Variants in SSBP2 observed in about 807,000 individuals in gnomAD.
SSBP2 encodes the protein single stranded DNA binding protein 2.
Under a neutral mutation model 61.8 loss-of-function variants are expected in SSBP2, and 17 were observed. That is an observed-to-expected ratio of 0.28 (90% CI 0.19 to 0.41). The LOEUF (loss-of-function observed/expected upper bound fraction) is 0.41, where lower values mean the gene tolerates loss of function less well. SSBP2 is among the 10% of genes least tolerant of loss of function. The pLI, the probability that SSBP2 is intolerant of heterozygous loss-of-function variation, is 1.00. For missense variants in SSBP2, 310 were observed against 458.7 expected (o/e 0.68, Z 2.96); for synonymous variants, 139 against 141.3 (o/e 0.98, Z 0.12).
chr5:81,500,026 AAACTGGCC>A (rs1356025998), intron 5 of SSBP2, among the ~76,000 whole-genome samples: 1 of 152,236 alleles, frequency 6.6e-6, no homozygotes, highest in African/African-American at 2.4e-5. Context: ...TTTGTTAAAG[AAACTGGCC>A]TATGGGCTTG....
At chr5:81,660,996 G>A (rs570718658) in intron 1 of SSBP2, among the ~76,000 whole-genome samples, 18 of 151,838 alleles carry the variant, frequency 1.2e-4, no homozygotes, top group African/African-American at 4.4e-4. Flanking sequence ...AACATAAACC[G>A]GAGCCTGTTG....
Position 81,546,901 on chromosome 5 carries a change from T to C in SSBP2, c.283-33184A>G, listed in dbSNP as rs1487884093. Among the ~76,000 whole-genome samples the C allele has an allele frequency of 4.0e-5, 6 of 149,578 alleles. No individual in the cohort carries two copies. The East Asian group carries it at 9.7e-4, about 24-fold the overall frequency. On this transcript the variant is annotated intron_variant, in intron 4 of 16. Transcript: ENST00000320672. ...TGTTCCATAAAACCTTTATAGAACATATTGTAACATTTTTAAAAAATCAAT... is the reference window on the plus strand; with the variant it reads ...TGTTCCATAAAACCTTTATAGAACACATTGTAACATTTTTAAAAAATCAAT...
chr5:81,672,579 T>C (rs967908981), intron 1 of SSBP2, among the ~76,000 whole-genome samples: 1 of 151,584 alleles, frequency 6.6e-6, no homozygotes, highest in African/African-American at 2.4e-5. Flanking sequence ...TTTTCTTTTT[T>C]TTTTTTTTTG....
intron 3 of SSBP2, among the ~76,000 whole-genome samples, chr5:81,636,301 T>C (rs1402692913): frequency 1.3e-5 from 2 of 152,212 alleles, no homozygotes; most frequent in Non-Finnish European, 2.9e-5. Context: ...TGTTATGGCA[T>C]CCCAAGCCGT....
chr5:81,480,422 A>G (rs1358360481), intron 6 of SSBP2, among the ~76,000 whole-genome samples: 2 of 152,232 alleles, frequency 1.3e-5, no homozygotes, highest in Non-Finnish European at 2.9e-5. Flanking sequence ...ATGTCTAAAA[A>G]CACAATGTAT....
chr5:81,736,145 C>CAA (rs1756598641), intron 1 of SSBP2, among the ~76,000 whole-genome samples: 1 of 55,742 alleles, frequency 1.8e-5, no homozygotes, highest in African/African-American at 5.2e-5. Flanking sequence ...TACCCTGAAA[C>CAA]ACACACACAC....
At chr5:81,646,657 C>G (rs540330695) in intron 2 of SSBP2, among the ~76,000 whole-genome samples, 1 of 145,198 alleles carries the variant, frequency 6.9e-6, no homozygotes, top group East Asian at 2.0e-4. Context: ...AAAAGGGCAC[C>G]AAGACACCAG....
At chr5:81,673,398 C>T (rs1386115607) in intron 1 of SSBP2, among the ~76,000 whole-genome samples, 2 of 152,038 alleles carry the variant, frequency 1.3e-5, no homozygotes, top group Admixed American at 1.3e-4. Flanking sequence ...GCACTAAATC[C>T]ATTAAGACTA....
At chr5:81,677,040 T>G (rs181032980) in intron 1 of SSBP2, among the ~76,000 whole-genome samples, 1 of 152,230 alleles carries the variant, frequency 6.6e-6, no homozygotes, top group African/African-American at 2.4e-5. Flanking sequence ...GGTAAAGTGT[T>G]ATGATCTTCC....
chr5:81,529,409 C>T (rs1405056419), intron 4 of SSBP2, among the ~76,000 whole-genome samples: 2 of 152,132 alleles, frequency 1.3e-5, no homozygotes, highest in African/African-American at 2.4e-5. Context: ...TATGCCTAAG[C>T]AGAGGCATTG....
intron 10 of SSBP2, among the ~76,000 whole-genome samples, chr5:81,449,407 G>C (rs1178365179): frequency 6.6e-6 from 1 of 152,096 alleles, no homozygotes; most frequent in Non-Finnish European, 1.5e-5. Context: ...GTAAGCCCTC[G>C]AGTATGTATA....
Position 81,513,620 on chromosome 5 carries a change from C to T in SSBP2, c.372+8G>A, listed in dbSNP as rs1186066116. The T allele has an allele frequency of 1.3e-6, 2 of 1,579,178 alleles. No individual in the cohort carries two copies. The highest frequency in any genetic ancestry group is 1.3e-5 in the African/African-American group (1 of 74,204). On this transcript the variant is annotated splice_region_variant and intron_variant, in intron 5 of 16. Transcript: ENST00000320672. ...TTTAACATTCCTAGTCAGAGTTTCT[C>T]TGAGTACCTGAAAGAACCCTGGTGG...
chr5:81,714,575 T>C (rs57695076), intron 1 of SSBP2, among the ~76,000 whole-genome samples: 3,776 of 152,298 alleles, frequency 0.025, 167 homozygotes, highest in African/African-American at 0.086. Context: ...GTTTCCTGAC[T>C]TTTTAATGAT....
chr5:81,542,066 C>G (rs1241671572), intron 4 of SSBP2, among the ~76,000 whole-genome samples: 1 of 151,888 alleles, frequency 6.6e-6, no homozygotes, highest in African/African-American at 2.4e-5. Flanking sequence ...CTTAAATGAA[C>G]AAGCAAAAAA....
At chr5:81,731,432 T>C (rs1031971442) in intron 1 of SSBP2, among the ~76,000 whole-genome samples, 3 of 152,168 alleles carry the variant, frequency 2.0e-5, no homozygotes, top group African/African-American at 4.8e-5. Flanking sequence ...GGCAATATCC[T>C]ATGGAAAAAT....
intron 1 of SSBP2, among the ~76,000 whole-genome samples, chr5:81,661,727 T>C (rs777326318): frequency 1.4e-4 from 22 of 152,334 alleles, no homozygotes; most frequent in Admixed American, 1.1e-3. Flanking sequence ...CTGAATTCCT[T>C]TACATATTTT....
intron 4 of SSBP2, among the ~76,000 whole-genome samples, chr5:81,576,006 C>CA (rs1774183839): frequency 6.6e-6 from 1 of 152,144 alleles, no homozygotes; most frequent in Non-Finnish European, 1.5e-5. Flanking sequence ...TTTTAGATGA[C>CA]AGAGATGCTT....
intron 15 of SSBP2, among the ~76,000 whole-genome samples, chr5:81,433,903 G>C (rs1762503086): frequency 6.6e-6 from 1 of 152,242 alleles, no homozygotes; most frequent in South Asian, 2.1e-4. Flanking sequence ...AATTGATAGT[G>C]TGAGTTCCTA....
intron 1 of SSBP2, among the ~76,000 whole-genome samples, chr5:81,680,303 A>ATATAATATATAATTATGT (rs1752290335): frequency 6.7e-6 from 1 of 148,212 alleles, no homozygotes; most frequent in Non-Finnish European, 1.5e-5. Flanking sequence ...TGTATATTAT[A>ATATAATATATAATTATGT]TATAATATAT....
Sources: gnomAD v4.1 joint callset for allele counts (sites outside exome capture counted in the v4.1 genomes callset) on GRCh38, gnomAD v4.1.1 for gene constraint, MANE v1.5 for transcripts, NCBI Gene and HGNC (gene_info 2026-07-23, HGNC 2026-07-21) for gene names.